The following CYRIB variants were observed in gnomAD, a reference collection of about 807,000 sequenced individuals.
CYRIB encodes the protein CYFIP related Rac1 interactor B.
In CYRIB, 8 loss-of-function variants were observed where a neutral mutation model predicts 44.2. The observed-to-expected ratio is 0.18, with a 90% CI of 0.11 to 0.33. CYRIB has a LOEUF of 0.33. CYRIB is among the 10% of genes least tolerant of loss of function. The pLI is 1.00. For missense variants in CYRIB, 185 were observed against 382.8 expected (o/e 0.48, Z 4.31); for synonymous variants, 131 against 127.2 (o/e 1.03, Z -0.20).
intron 1 of CYRIB, among the ~76,000 whole-genome samples, chr8:129,974,915 C>T (rs1564537643): frequency 1.3e-5 from 2 of 150,446 alleles, no homozygotes; most frequent in Non-Finnish European, 3.0e-5. Context: ...GACGGAATCT[C>T]GTTCTGTCAC....
chr8:129,854,255 C>A lies in CYRIB; in HGVS notation c.516+11G>T. ...CTCTTACCATCCCCCTAATTCAAAGCATTAACTTACCGGTACATTGTTAAT... is the reference window on the plus strand; with the variant it reads ...CTCTTACCATCCCCCTAATTCAAAGAATTAACTTACCGGTACATTGTTAAT... On this transcript the variant is annotated intron_variant, in intron 7 of 11. Coordinates refer to ENST00000519824, the Ensembl canonical transcript of CYRIB. 6.3e-7 allele frequency: 1 copy of A among 1,589,080 alleles called. No homozygotes were observed.
At chr8:129,913,586 G>C (rs2079170899) in intron 1 of CYRIB, among the ~76,000 whole-genome samples, 1 of 152,194 alleles carries the variant, frequency 6.6e-6, no homozygotes, top group Non-Finnish European at 1.5e-5. Flanking sequence ...CTTACAAAGT[G>C]GAAATTCCAA....
At chr8:129,874,238 T>C (rs1272224864) in intron 3 of CYRIB, among the ~76,000 whole-genome samples, 1 of 152,050 alleles carries the variant, frequency 6.6e-6, no homozygotes, top group Non-Finnish European at 1.5e-5. Flanking sequence ...GGTAGACATA[T>C]TCATTACTCA....
chr8:129,992,930 C>T (rs540378618), intron 1 of CYRIB, among the ~76,000 whole-genome samples: 42 of 152,292 alleles, frequency 2.8e-4, no homozygotes, highest in African/African-American at 8.7e-4. Context: ...AAGGAATACA[C>T]GGCAAGAAGG....
intron 1 of CYRIB, among the ~76,000 whole-genome samples, chr8:129,985,055 C>A (rs2096401327): frequency 6.6e-6 from 1 of 152,228 alleles, no homozygotes; most frequent in African/African-American, 2.4e-5. Flanking sequence ...CAGGCGTGAG[C>A]CACCACGCCC....
intron 1 of CYRIB, among the ~76,000 whole-genome samples, chr8:129,988,031 C>A (rs1364702418): frequency 6.6e-6 from 1 of 152,198 alleles, no homozygotes; most frequent in Admixed American, 6.5e-5. Flanking sequence ...CGCCAACAGA[C>A]AACACGAGGC....
At chr8:129,891,261 CT>C (rs2065275391) in intron 2 of CYRIB, among the ~76,000 whole-genome samples, 2 of 152,228 alleles carry the variant, frequency 1.3e-5, no homozygotes, top group Admixed American at 1.3e-4. Flanking sequence ...TCAGCAATCT[CT>C]TTTGGCTCAG....
At chr8:129,923,239 T>TAAAAG (rs2084979989) in intron 1 of CYRIB, among the ~76,000 whole-genome samples, 1 of 150,536 alleles carries the variant, frequency 6.6e-6, no homozygotes, top group Non-Finnish European at 1.5e-5. Context: ...GCAAAACTCT[T>TAAAAG]AAAAAGAAAA....
chr8:129,910,724 A>G (rs1049069401), intron 1 of CYRIB, among the ~76,000 whole-genome samples: 2 of 152,172 alleles, frequency 1.3e-5, no homozygotes, highest in African/African-American at 4.8e-5. Flanking sequence ...CTTAAGCGCA[A>G]GAGTTCAAGG....
chr8:130,014,400 T>G (rs554416890), intron 1 of CYRIB, among the ~76,000 whole-genome samples: 1 of 152,190 alleles, frequency 6.6e-6, no homozygotes, highest in Non-Finnish European at 1.5e-5. Flanking sequence ...ACTTCTGCAC[T>G]ACTTCAACCT....
chr8:129,948,711 C>T (rs1387263317), intron 2 of CYRIB: 1 of 152,242 alleles, frequency 6.6e-6, no homozygotes, highest in African/African-American at 2.4e-5. Context: ...TAGTTCATCT[C>T]TGCTTTTCCA....
intron 1 of CYRIB, among the ~76,000 whole-genome samples, chr8:129,977,563 G>A (rs1457467856): frequency 6.6e-6 from 1 of 150,976 alleles, no homozygotes; most frequent in Non-Finnish European, 1.5e-5. Context: ...ACGGGGTCTC[G>A]CTCTGTCACC....
At chr8:129,880,073 A>G in intron 2 of CYRIB, among the ~76,000 whole-genome samples, 1 of 152,228 alleles carries the variant, frequency 6.6e-6, no homozygotes, top group East Asian at 1.9e-4. Context: ...CAGGATTATA[A>G]GCGAATATTG....
intron 1 of CYRIB, among the ~76,000 whole-genome samples, chr8:129,922,295 A>C (rs1460760336): frequency 1.3e-5 from 2 of 152,190 alleles, no homozygotes; most frequent in Non-Finnish European, 2.9e-5. Context: ...ATTATGAAGA[A>C]TATTCCAGTC....
intron 1 of CYRIB, among the ~76,000 whole-genome samples, chr8:129,928,393 T>G (rs1000241717): frequency 2.0e-5 from 3 of 149,334 alleles, no homozygotes; most frequent in Non-Finnish European, 3.0e-5. Context: ...TTGCACATAA[T>G]GTATCTGACA....
At chr8:129,861,437 C>T (rs543169061) in intron 5 of CYRIB, among the ~76,000 whole-genome samples, 1 of 151,954 alleles carries the variant, frequency 6.6e-6, no homozygotes, top group Admixed American at 6.5e-5. Flanking sequence ...CATTAGCTTT[C>T]TATTTCTTTC....
intron 2 of CYRIB, among the ~76,000 whole-genome samples, chr8:129,891,074 T>G (rs930504354): frequency 6.6e-6 from 1 of 152,162 alleles, no homozygotes; most frequent in Non-Finnish European, 1.5e-5. Flanking sequence ...TCTAGCTTCT[T>G]GTGGAACTCC....
intron 1 of CYRIB, among the ~76,000 whole-genome samples, chr8:129,987,915 TAC>T (rs1160218191): frequency 1.3e-5 from 2 of 152,158 alleles, no homozygotes; most frequent in Non-Finnish European, 2.9e-5. Flanking sequence ...TCCCACGGCC[TAC>T]AGACTGGGAC....
At chr8:129,911,397 C>T (rs1253258842) in intron 1 of CYRIB, among the ~76,000 whole-genome samples, 1 of 152,140 alleles carries the variant, frequency 6.6e-6, no homozygotes, top group East Asian at 1.9e-4. Context: ...AGGAAACAAT[C>T]TTGTTCAATA....
Sources: gnomAD v4.1 joint callset for allele counts (sites outside exome capture counted in the v4.1 genomes callset) on GRCh38, gnomAD v4.1.1 for gene constraint, MANE v1.5 for transcripts, NCBI Gene and HGNC (gene_info 2026-07-23, HGNC 2026-07-21) for gene names.